Variants in JAKMIP3 observed in about 807,000 individuals in gnomAD.
The protein encoded by JAKMIP3 is Janus kinase and microtubule interacting protein 3.
JAKMIP3 carries 58 observed loss-of-function variants against 118.5 expected under a neutral mutation model. The observed-to-expected ratio is 0.49, with a 90% CI of 0.40 to 0.61. JAKMIP3 has a LOEUF of 0.61. JAKMIP3 is among the 20% of genes least tolerant of loss of function. The probability of loss-of-function intolerance (pLI) is 0.00; values close to 1 mark genes in which losing one functional copy is unlikely to be tolerated. For synonymous variants in JAKMIP3, 486 were observed against 451.2 expected, an observed-to-expected ratio of 1.08 and a Z score of -0.98; for missense variants, 950 against 1,109.0, an observed-to-expected ratio of 0.86 and a Z score of 2.04.
intron 23 of JAKMIP3, among the ~76,000 whole-genome samples, chr10:132,176,916 C>G (rs1413416866): frequency 6.6e-6 from 1 of 152,034 alleles, no homozygotes; most frequent in African/African-American, 2.4e-5. Flanking sequence ...GGAGATGATG[C>G]CAACCTCTTT....
chr10:132,114,077 CTG>C (rs1477333040), intron 2 of JAKMIP3, among the ~76,000 whole-genome samples: 1 of 152,260 alleles, frequency 6.6e-6, no homozygotes, highest in African/African-American at 2.4e-5. Context: ...TGTGAGGAGA[CTG>C]TGTCTAGACT....
intron 2 of JAKMIP3, among the ~76,000 whole-genome samples, chr10:132,114,429 T>G (rs1722627028): frequency 6.6e-6 from 1 of 152,204 alleles, no homozygotes; most frequent in Non-Finnish European, 1.5e-5. Flanking sequence ...CTCACTGTGT[T>G]GCCCAGGCTG....
At chr10:132,107,979 T>G (rs1357089244) in intron 2 of JAKMIP3, among the ~76,000 whole-genome samples, 1 of 152,166 alleles carries the variant, frequency 6.6e-6, no homozygotes, top group Non-Finnish European at 1.5e-5. Flanking sequence ...TCCAGCTGGC[T>G]CCCAAGGGCA....
In JAKMIP3 at chr10:132,112,458, G is replaced by A. The variant is rs893591845; in HGVS notation, c.136-4619G>A. On this transcript the variant is annotated intron_variant, in intron 2 of 23. Coordinates refer to ENST00000684848, the MANE Select transcript of JAKMIP3 (RefSeq NM_001323087.2). This position sits in a 1 kb window ranked among gnomAD's most constrained non-coding sequence, Gnocchi z 4.3. ...GCCTGCTTCCAGAACATTCCATCCC[G>A]CCTCTGTTCTTTCGGGCTGTTAGGT... Among the ~76,000 whole-genome samples the A allele has an allele frequency of 3.3e-5, 5 of 152,150 alleles. No homozygotes were observed. Among genetic ancestry groups the A allele is most frequent in the African/African-American group, 9.7e-5 (4 of 41,424 alleles).
In JAKMIP3 at chr10:132,163,229, C is replaced by T. The variant is rs1299698549; in HGVS notation, c.2241C>T (p.Ala747=). ...QANKHILELE[A]MLYDALQQEA... ...CCCAGCACATCCTGGAGCTGGAAGCCATGCTGTATGATGCCCTGCAGCAGG... is the reference window on the plus strand; with the variant it reads ...CCCAGCACATCCTGGAGCTGGAAGCTATGCTGTATGATGCCCTGCAGCAGG... The change falls in exon 20 of 24, where the codon GCC becomes GCT. Residue 747 remains alanine, a synonymous_variant. Transcript: ENST00000684848. The T allele has an allele frequency of 1.9e-6, 3 of 1,566,214 alleles. No individual in the cohort carries two copies. Among genetic ancestry groups the T allele is most frequent in the Non-Finnish European group, 2.6e-6 (3 of 1,156,000 alleles).
intron 1 of JAKMIP3, among the ~76,000 whole-genome samples, chr10:132,059,460 G>C (rs1460377184): frequency 6.6e-6 from 1 of 152,264 alleles, no homozygotes; most frequent in Admixed American, 6.5e-5. Flanking sequence ...ACTTAACAGA[G>C]CCTGGCGTGG....
intron 23 of JAKMIP3, among the ~76,000 whole-genome samples, chr10:132,172,562 C>T (rs1473858791): frequency 6.6e-6 from 1 of 151,936 alleles, no homozygotes; most frequent in African/African-American, 2.4e-5. Flanking sequence ...AAGACCTGCC[C>T]CTTTTCTCCT....
chr10:132,082,622 T>A (rs2041918026), intron 1 of JAKMIP3, among the ~76,000 whole-genome samples: 1 of 152,152 alleles, frequency 6.6e-6, no homozygotes, highest in Non-Finnish European at 1.5e-5. Flanking sequence ...TCTTTCTTTT[T>A]TTTTTTGAGA....
chr10:132,116,369 G>C (rs1253340225), intron 2 of JAKMIP3, among the ~76,000 whole-genome samples: 1 of 101,796 alleles, frequency 9.8e-6, no homozygotes, highest in African/African-American at 3.9e-5. Flanking sequence ...ACACATTCAG[G>C]TGTGAGTGTG....
At chr10:132,180,676 C>CGTGTGT (rs1374821205) in intron 23 of JAKMIP3, among the ~76,000 whole-genome samples, 10 of 4,572 alleles carry the variant, frequency 2.2e-3, no homozygotes, top group Non-Finnish European at 4.5e-3. Context: ...CGTGTGTGTG[C>CGTGTGT]GCGCGCGTGT....
intron 23 of JAKMIP3, 43 bp downstream of exon 23, chr10:132,169,076 C>T (rs2059210746): frequency 6.5e-6 from 1 of 152,880 alleles, no homozygotes; most frequent in African/African-American, 2.4e-5. Flanking sequence ...TTTGCACCCT[C>T]CCTGCGAGGT....
intron 2 of JAKMIP3, among the ~76,000 whole-genome samples, chr10:132,107,287 A>AT (rs762693011): frequency 1.6e-4 from 24 of 152,266 alleles, no homozygotes; most frequent in Admixed American, 5.9e-4. Context: ...GCATCATGTG[A>AT]TTTTTTGTGC....
intron 3 of JAKMIP3, among the ~76,000 whole-genome samples, chr10:132,124,036 C>T (rs1263488179): frequency 1.3e-5 from 2 of 152,226 alleles, no homozygotes; most frequent in African/African-American, 4.8e-5. Flanking sequence ...GAGGGTAACG[C>T]CTGGCATCAG....
intron 1 of JAKMIP3, among the ~76,000 whole-genome samples, chr10:132,083,933 A>G (rs748809679): frequency 2.0e-5 from 3 of 152,150 alleles, no homozygotes; most frequent in Non-Finnish European, 4.4e-5. Context: ...TTTGGTGACT[A>G]TGGCCTTATA....
chr10:132,075,385 A>G (rs1424116478), intron 1 of JAKMIP3, among the ~76,000 whole-genome samples: 1 of 95,376 alleles, frequency 1.0e-5, no homozygotes, highest in African/African-American at 4.3e-5. Context: ...TTTTTTTGCT[A>G]TTGCTTTCAT....
chr10:132,080,647 G>T (rs1198781052), intron 1 of JAKMIP3, among the ~76,000 whole-genome samples: 1 of 150,340 alleles, frequency 6.7e-6, no homozygotes, highest in Admixed American at 6.7e-5. Context: ...TCAGCCTTCT[G>T]AGTAGCTAGG....
Position 132,179,583 on chromosome 10 carries a change from C to T in JAKMIP3, c.*1104-2774C>T, listed in dbSNP as rs372557669. Among the ~76,000 whole-genome samples, 249 of 152,036 alleles carry T rather than the reference C, an allele frequency of 1.6e-3. 5 individuals are homozygous for T. The South Asian group carries it at 0.021, about 13-fold the overall frequency. On this transcript the variant is annotated intron_variant, in intron 23 of 23. Coordinates refer to ENST00000684848, the MANE Select transcript of JAKMIP3 (RefSeq NM_001323087.2). This position sits in a 1 kb window ranked among gnomAD's most constrained non-coding sequence, Gnocchi z 4.3. ...TGAAGGCAATTCGCAGCCCCATGTT[C>T]CCCCCACCCCCCACACTTCCAGGCA... is the stretch of plus-strand genomic sequence containing the variant.
chr10:132,173,293 A>G (rs1015602731), intron 23 of JAKMIP3, among the ~76,000 whole-genome samples: 3 of 141,572 alleles, frequency 2.1e-5, no homozygotes, highest in Non-Finnish European at 4.6e-5. Flanking sequence ...TTCCAGGCCA[A>G]TGGTGTGTGG....
rs1459188726 is a variant in JAKMIP3, at chr10:132,117,987, T to G, written c.633+413T>G. ...CTGACACCAGGCAGGGCTCAGTGTT[T>G]CGCAGCAGGAGTCCCACACATCCTC... On this transcript the variant is annotated intron_variant, in intron 3 of 23. Coordinates refer to ENST00000684848, the MANE Select transcript of JAKMIP3 (RefSeq NM_001323087.2). The surrounding 1 kb of genome is among the most constrained non-coding windows in gnomAD (Gnocchi z 8.6). Among the ~76,000 whole-genome samples the G allele has an allele frequency of 6.6e-6, 1 of 152,118 alleles. No homozygotes were observed. Among genetic ancestry groups the G allele is most frequent in the African/African-American group, 2.4e-5 (1 of 41,424 alleles).
Sources: gnomAD v4.1 joint callset for allele counts (sites outside exome capture counted in the v4.1 genomes callset) on GRCh38, gnomAD v4.1.1 for gene constraint, Gnocchi (gnomAD v3.1) non-coding constraint, MANE v1.5 for transcripts, NCBI Gene and HGNC (gene_info 2026-07-23, HGNC 2026-07-21) for gene names.